ZNF385B: variants seen among roughly 807,000 people sequenced by gnomAD.
ZNF385B encodes the protein zinc finger protein 533.
Under a neutral mutation model 39.2 loss-of-function variants are expected in ZNF385B, and 23 were observed. The observed-to-expected ratio is 0.59, with a 90% CI of 0.42 to 0.83. The LOEUF is 0.83. Among genes scored for constraint, ZNF385B ranks in the 40% least tolerant of loss-of-function variants. The probability of loss-of-function intolerance (pLI) is 0.00; values close to 1 mark genes in which losing one functional copy is unlikely to be tolerated. For synonymous variants in ZNF385B, 205 were observed against 222.6 expected, an observed-to-expected ratio of 0.92 and a Z score of 0.70; for missense variants, 552 against 598.9, an observed-to-expected ratio of 0.92 and a Z score of 0.82.
chr2:179,722,905 T>A (rs773315713), intron 3 of ZNF385B, among the ~76,000 whole-genome samples: 3 of 152,118 alleles, frequency 2.0e-5, no homozygotes, highest in Non-Finnish European at 4.4e-5. Context: ...ATGATATGAA[T>A]AGGAATTTCA....
chr2:179,528,824 T>C (rs1045757635), intron 4 of ZNF385B, among the ~76,000 whole-genome samples: 5 of 152,346 alleles, frequency 3.3e-5, no homozygotes, highest in South Asian at 2.1e-4. Context: ...TCAGTCCAAA[T>C]GTTAAAATGT....
chr2:179,826,316 A>G (rs887719821), intron 1 of ZNF385B, among the ~76,000 whole-genome samples: 2 of 152,180 alleles, frequency 1.3e-5, no homozygotes, highest in African/African-American at 2.4e-5. Context: ...TAAAGCCACA[A>G]ATAAAACAAC....
chr2:179,842,518 G>C (rs927238454), intron 1 of ZNF385B, among the ~76,000 whole-genome samples: 2 of 152,082 alleles, frequency 1.3e-5, no homozygotes, highest in African/African-American at 4.8e-5. Context: ...AAGAACTCAG[G>C]GTTGTATGGG....
rs1415551110 is a variant in ZNF385B, at chr2:179,442,992, C to T, written c.*258G>A. The stretch of plus-strand genomic sequence containing the variant: ...CAAGAAATCAAATATCTGAGATACA[C>T]AAATTGAACGCGGTAGGGTGGGGGA... On this transcript the variant is annotated 3_prime_UTR_variant, in exon 10 of 10. Transcript: ENST00000410066. The T allele has an allele frequency of 3.6e-6, 2 of 562,196 alleles. No individual in the cohort carries two copies. Among genetic ancestry groups the T allele is most frequent in the Non-Finnish European group, 6.4e-6 (2 of 314,720 alleles). The allele number at this position is 562,196 out of a possible 1,614,324, so 34.8% of individuals were successfully genotyped here.
chr2:179,484,413 A>C (rs2054343390), intron 5 of ZNF385B, among the ~76,000 whole-genome samples: 1 of 152,192 alleles, frequency 6.6e-6, no homozygotes, highest in South Asian at 2.1e-4. Context: ...CTTAGTTATA[A>C]AGTGAAATGG....
At chr2:179,613,348 T>C (rs1317389379) in intron 3 of ZNF385B, among the ~76,000 whole-genome samples, 1 of 152,164 alleles carries the variant, frequency 6.6e-6, no homozygotes, top group Non-Finnish European at 1.5e-5. Flanking sequence ...GGATCACACC[T>C]GAAGCCAGCA....
At chr2:179,481,320 G>A (rs182332255) in intron 6 of ZNF385B, among the ~76,000 whole-genome samples, 3 of 151,668 alleles carry the variant, frequency 2.0e-5, no homozygotes, top group Non-Finnish European at 4.4e-5. Flanking sequence ...CTATAATCCG[G>A]GCCCCTTTAT....
intron 3 of ZNF385B, among the ~76,000 whole-genome samples, 191 bp from the exon 4 acceptor site, chr2:179,545,160 T>G (rs1241018392): frequency 6.6e-6 from 1 of 152,200 alleles, no homozygotes; most frequent in Non-Finnish European, 1.5e-5. Flanking sequence ...AAGACAGTGG[T>G]GCACAATGCT....
intron 1 of ZNF385B, among the ~76,000 whole-genome samples, chr2:179,818,245 C>A (rs143231884): frequency 6.6e-6 from 1 of 152,216 alleles, no homozygotes; most frequent in East Asian, 1.9e-4. Flanking sequence ...TTAAAATTTG[C>A]CTTTCCGACA....
intron 7 of ZNF385B, 43 bp from the exon 8 acceptor site, chr2:179,445,771 T>C (rs370307136): frequency 6.7e-7 from 1 of 1,495,946 alleles, no homozygotes; most frequent in Non-Finnish European, 8.9e-7. Context: ...ATCCAAGAAT[T>C]ATATAAAGCT....
intron 3 of ZNF385B, among the ~76,000 whole-genome samples, chr2:179,656,279 T>G (rs2106261674): frequency 6.6e-6 from 1 of 152,264 alleles, no homozygotes; most frequent in South Asian, 2.1e-4. Flanking sequence ...GTATATTATT[T>G]TTATTAATCT....
chr2:179,758,639 T>G (rs951470654), intron 3 of ZNF385B, among the ~76,000 whole-genome samples: 1 of 152,236 alleles, frequency 6.6e-6, no homozygotes, highest in African/African-American at 2.4e-5. Flanking sequence ...TTGCAGCTTC[T>G]GTTCTTGCTG....
chr2:179,600,500 C>T (rs558618418), intron 3 of ZNF385B, among the ~76,000 whole-genome samples: 6 of 152,208 alleles, frequency 3.9e-5, no homozygotes, highest in Admixed American at 2.0e-4. Flanking sequence ...TGCATAGCTT[C>T]CTAAGGTAGC....
intron 3 of ZNF385B, among the ~76,000 whole-genome samples, chr2:179,731,165 A>G (rs1208620483): frequency 1.3e-5 from 2 of 152,214 alleles, no homozygotes; most frequent in Non-Finnish European, 2.9e-5. Context: ...CAAGAATTCA[A>G]ACTTAGAAAG....
intron 4 of ZNF385B, chr2:179,536,479 C>T (rs936359927): frequency 1.3e-5 from 2 of 152,188 alleles, no homozygotes; most frequent in Non-Finnish European, 2.9e-5. Context: ...AAGGGACATA[C>T]AAGAGGACAC....
At chr2:179,664,096 G>A (rs1191283788) in intron 3 of ZNF385B, among the ~76,000 whole-genome samples, 1 of 141,120 alleles carries the variant, frequency 7.1e-6, no homozygotes, top group African/African-American at 2.7e-5. Context: ...GGTTCTTTTG[G>A]TTTCTCTTTG....
At chr2:179,674,524 C>T (rs560692969) in intron 3 of ZNF385B, among the ~76,000 whole-genome samples, 2 of 152,318 alleles carry the variant, frequency 1.3e-5, no homozygotes, top group East Asian at 3.9e-4. Flanking sequence ...AAGTCATTAT[C>T]AATCTTGCCA....
At chr2:179,523,924 A>C (rs1231678188) in intron 4 of ZNF385B, among the ~76,000 whole-genome samples, 2 of 152,196 alleles carry the variant, frequency 1.3e-5, no homozygotes, top group Non-Finnish European at 2.9e-5. Flanking sequence ...CTAGGACTAC[A>C]GGCATGTGCC....
intron 3 of ZNF385B, among the ~76,000 whole-genome samples, chr2:179,566,830 AAT>A (rs1331806876): frequency 6.6e-6 from 1 of 152,092 alleles, no homozygotes; most frequent in Non-Finnish European, 1.5e-5. Flanking sequence ...CTTGTTGACA[AAT>A]TTTTAATTAC....
Sources: allele counts gnomAD v4.1 joint callset (sites outside exome capture counted in the v4.1 genomes callset), GRCh38; gene constraint gnomAD v4.1.1; transcripts MANE v1.5; gene names NCBI Gene and HGNC (gene_info 2026-07-23, HGNC 2026-07-21).